ARHGEF10L: variants seen among roughly 807,000 people sequenced by gnomAD.
ARHGEF10L encodes the protein Rho guanine nucleotide exchange factor 10 like, also known as rho guanine nucleotide exchange factor 10-like protein.
ARHGEF10L carries 69 observed loss-of-function variants against 141.2 expected under a neutral mutation model. That is an observed-to-expected ratio of 0.49 (90% CI 0.40 to 0.60). The LOEUF is 0.60. Among genes scored for constraint, ARHGEF10L ranks in the 20% least tolerant of loss-of-function variants. The pLI is 0.00. For synonymous variants in ARHGEF10L, 711 were observed against 718.5 expected, an observed-to-expected ratio of 0.99 and a Z score of 0.17; for missense variants, 1,482 against 1,734.3, an observed-to-expected ratio of 0.85 and a Z score of 2.58.
chr1:17,688,708 A>G, intron 27 of ARHGEF10L, among the ~76,000 whole-genome samples: 1 of 152,292 alleles, frequency 6.6e-6, no homozygotes, highest in Non-Finnish European at 1.5e-5. Context: ...GGGAGTGGCC[A>G]TATGCCCAGC....
In ARHGEF10L at chr1:17,654,743, G is replaced by A. The variant is rs1359643233; in HGVS notation, c.2481+21G>A. On this transcript the variant is annotated intron_variant, in intron 23 of 28. Coordinates refer to ENST00000361221, the MANE Select transcript of ARHGEF10L (RefSeq NM_018125.4). The surrounding 1 kb of genome is among the most constrained non-coding windows in gnomAD (Gnocchi z 4.3). Reference sequence around the variant, plus strand: ...TCTGGGTGAGTCACCCCCCTGCCCAGCTGGGCATTCTGGCCTCAGGACAGG... The same window carrying A: ...TCTGGGTGAGTCACCCCCCTGCCCAACTGGGCATTCTGGCCTCAGGACAGG... 6.2e-7 allele frequency: 1 copy of A among 1,609,506 alleles called. No individual in the cohort carries two copies. The highest frequency in any genetic ancestry group is 1.1e-5 in the South Asian group (1 of 91,020).
chr1:17,621,981 G>A lies in ARHGEF10L; in HGVS notation c.1020+40G>A, dbSNP rs142465382. On this transcript the variant is annotated intron_variant, in intron 11 of 28. Transcript: ENST00000361221. The surrounding 1 kb of genome is among the most constrained non-coding windows in gnomAD (Gnocchi z 4.1). Reference sequence around the variant, plus strand: ...AGTTCTCAAGGGTCTCTGGGGAGAAGCAGGGAGGGCCCTGGAGGGTAACTT... The same window carrying A: ...AGTTCTCAAGGGTCTCTGGGGAGAAACAGGGAGGGCCCTGGAGGGTAACTT... 8.3e-5 allele frequency: 133 copies of A among 1,607,090 alleles called. No individual in the cohort carries two copies. The African/African-American group carries it at 1.6e-3, about 20-fold the overall frequency.
chr1:17,646,840 A>G (rs2061634230), intron 21 of ARHGEF10L, among the ~76,000 whole-genome samples: 1 of 151,958 alleles, frequency 6.6e-6, no homozygotes, highest in Non-Finnish European at 1.5e-5. Context: ...CGGTGGAGCC[A>G]GTGGCCGAGG....
At chr1:17,650,681 C>A (rs540794850) in intron 22 of ARHGEF10L, among the ~76,000 whole-genome samples, 1 of 148,154 alleles carries the variant, frequency 6.7e-6, no homozygotes, top group Admixed American at 6.9e-5. Context: ...TGCAGTGAGC[C>A]GAAATCATGC....
At chr1:17,602,317 C>CCACAT in intron 5 of ARHGEF10L, 99 bp downstream of exon 5, 1 of 1,383,450 alleles carries the variant, frequency 7.2e-7, no homozygotes, top group Non-Finnish European at 9.9e-7. Context: ...TCCTGTGAGC[C>CCACAT]CAGGGTTCAT....
At chr1:17,526,253 C>T in the ARHGEF10L span, among the ~76,000 whole-genome samples, 3 of 152,236 alleles carry the variant, frequency 2.0e-5, no homozygotes, top group Non-Finnish European at 4.4e-5. Context: ...TTATTGCTTC[C>T]GATATTCAGG....
intron 1 of ARHGEF10L, among the ~76,000 whole-genome samples, chr1:17,550,748 G>A (rs1182666755): frequency 6.6e-6 from 1 of 152,132 alleles, no homozygotes; most frequent in Non-Finnish European, 1.5e-5. Flanking sequence ...ATATAAAGGG[G>A]ACAGGTGTGA....
chr1:17,633,426 C>A (rs2060819162), intron 16 of ARHGEF10L, among the ~76,000 whole-genome samples: 1 of 152,174 alleles, frequency 6.6e-6, no homozygotes, highest in Non-Finnish European at 1.5e-5. Flanking sequence ...TCACTGCAAC[C>A]TCTGCCTCCT....
chr1:17,584,340 C>T (rs2078845081), intron 2 of ARHGEF10L, among the ~76,000 whole-genome samples: 1 of 152,156 alleles, frequency 6.6e-6, no homozygotes, highest in Admixed American at 6.5e-5. Context: ...CCACAGCACC[C>T]AGCCTATGTT....
rs1342700771 is a variant in ARHGEF10L, at chr1:17,697,043, A to G, written c.3503A>G (p.Lys1168Arg). Residue 1168 changes from lysine (K) to arginine (R), a missense_variant, in exon 29 of 29, where the codon AAG (lysine) becomes AGG (arginine). Around this residue, in one of 3 missense-constraint regions of ARHGEF10L, gnomAD observed 858 missense variants for 966.3 expected, o/e 0.89. Transcript: ENST00000361221. The surrounding 1 kb of genome is among the most constrained non-coding windows in gnomAD (Gnocchi z 4.8). ...DSHVGRELTR[K>R]KGILLQYRLR... ...CACGTGGGCCGAGAGCTGACCCGCA[A>G]GAAGGGCATCCTCTTGCAGTACCGC... 6.2e-7 allele frequency: 1 copy of G among 1,604,452 alleles called. No individual in the cohort carries two copies. Among genetic ancestry groups the G allele is most frequent in the East Asian group, 2.2e-5 (1 of 44,574 alleles).
At chr1:17,514,160 A>G in the ARHGEF10L span, among the ~76,000 whole-genome samples, 3 of 94,962 alleles carry the variant, frequency 3.2e-5, no homozygotes, top group African/African-American at 1.3e-4. Context: ...TTTTTTTGAC[A>G]GAGTCTCGCT....
intron 1 of ARHGEF10L, among the ~76,000 whole-genome samples, 161 bp from the exon 2 acceptor site, chr1:17,580,392 T>TTAATG (rs2078439655): frequency 6.6e-6 from 1 of 152,072 alleles, no homozygotes; most frequent in African/African-American, 2.4e-5. Context: ...TTTCTATGGG[T>TTAATG]TAATGATTTA....
At chr1:17,666,398 T>C (rs2062978476) in intron 26 of ARHGEF10L, among the ~76,000 whole-genome samples, 1 of 152,024 alleles carries the variant, frequency 6.6e-6, no homozygotes, top group Non-Finnish European at 1.5e-5. Context: ...GGCAGTGCCA[T>C]GTGCAGGACC....
In ARHGEF10L at chr1:17,618,338, G is replaced by A. The variant is rs996088573; in HGVS notation, c.836-1001G>A. 13 of 1,531,480 alleles carry A rather than the reference G, an allele frequency of 8.5e-6. No individual in the cohort carries two copies. The East Asian group carries it at 1.0e-4, about 12-fold the overall frequency. The allele number at this position is 1,531,480 out of a possible 1,614,324, so 94.9% of individuals were successfully genotyped here. A position where few individuals can be genotyped will look rare whatever the true frequency, so the allele number is the denominator to read the frequency against. On this transcript the variant is annotated intron_variant, in intron 9 of 28. Transcript: ENST00000361221. The stretch of plus-strand genomic sequence containing the variant: ...GATATTAATAGCCGTGGCAGGGCTC[G>A]AATCACAGGCCAAGAATGTTACCCA...
chr1:17,639,379 T>C lies in ARHGEF10L; in HGVS notation c.2171+690T>C, dbSNP rs947408462. Among the ~76,000 whole-genome samples the C allele has an allele frequency of 6.6e-6, 1 of 151,988 alleles. No individual in the cohort carries two copies. Among genetic ancestry groups the C allele is most frequent in the African/African-American group, 2.4e-5 (1 of 41,368 alleles). On this transcript the variant is annotated intron_variant, in intron 20 of 28. Transcript: ENST00000361221. The surrounding 1 kb of genome is among the most constrained non-coding windows in gnomAD (Gnocchi z 4.3). ...AATGCCCAGGTTTTGGCCTCCAGGGTGGGGTGAAGGTGGGGATAGAGTGTC... is the reference window on the plus strand; with the variant it reads ...AATGCCCAGGTTTTGGCCTCCAGGGCGGGGTGAAGGTGGGGATAGAGTGTC...
At chr1:17,560,514 T>C (rs1182797233) in intron 1 of ARHGEF10L, among the ~76,000 whole-genome samples, 1 of 152,074 alleles carries the variant, frequency 6.6e-6, no homozygotes, top group Non-Finnish European at 1.5e-5. Flanking sequence ...GACACTTGAG[T>C]GCAGTAATGG....
rs888614598 is a variant in ARHGEF10L at position 17,562,977 on chromosome 1, G to A, written c.-43-17576G>A. ...GCAAGAGGGGCCCTGGGATAGGAGCGGAAGTTGAGGACTGGCCTGTGCAGG... is the reference window on the plus strand; with the variant it reads ...GCAAGAGGGGCCCTGGGATAGGAGCAGAAGTTGAGGACTGGCCTGTGCAGG... On this transcript the variant is annotated intron_variant, in intron 1 of 28. Coordinates refer to ENST00000361221, the MANE Select transcript of ARHGEF10L (RefSeq NM_018125.4). 9.9e-5 allele frequency among the ~76,000 whole-genome samples: 15 copies of A among 152,190 alleles called. 1 individual carries two copies. The highest frequency in any genetic ancestry group is 1.3e-4 in the Admixed American group (2 of 15,280).
At chr1:17,521,451 C>T in the ARHGEF10L span, among the ~76,000 whole-genome samples, 2 of 152,246 alleles carry the variant, frequency 1.3e-5, no homozygotes, top group Non-Finnish European at 2.9e-5. Context: ...CCGCCTCGGC[C>T]TCCCAAAGTG....
chr1:17,560,513 G>A (rs900896615), intron 1 of ARHGEF10L, among the ~76,000 whole-genome samples: 3 of 152,208 alleles, frequency 2.0e-5, no homozygotes, highest in Admixed American at 2.0e-4. Flanking sequence ...GGACACTTGA[G>A]TGCAGTAATG....
Sources: gnomAD v4.1 joint callset for allele counts (sites outside exome capture counted in the v4.1 genomes callset) on GRCh38, gnomAD v4.1.1 for gene constraint, gnomAD v4.1.1 regional missense constraint, Gnocchi (gnomAD v3.1) non-coding constraint, MANE v1.5 for transcripts, NCBI Gene and HGNC (gene_info 2026-07-23, HGNC 2026-07-21) for gene names.